Variants in TFRC observed in about 807,000 individuals in gnomAD.
TFRC encodes the protein transferrin receptor protein 1.
In TFRC, 35 loss-of-function variants were observed where a neutral mutation model predicts 85.8. The observed-to-expected ratio is 0.41, with a 90% CI of 0.31 to 0.54. The LOEUF (loss-of-function observed/expected upper bound fraction) is 0.54, where lower values mean the gene tolerates loss of function less well. Ranked by LOEUF, TFRC falls within the 20% of genes least tolerant of loss-of-function variation. The pLI is 0.31. For missense variants in TFRC, 828 were observed against 921.5 expected (o/e 0.90, Z 1.31); for synonymous variants, 362 against 328.6 (o/e 1.10, Z -1.10).
At chr3:196,064,988 T>C (rs1014181526) in intron 10 of TFRC, among the ~76,000 whole-genome samples, 2 of 152,220 alleles carry the variant, frequency 1.3e-5, no homozygotes, top group Admixed American at 6.5e-5. Context: ...CTGGGCGCGG[T>C]GGCTCATGCC....
Position 196,056,065 on chromosome 3 carries a change from C to T in TFRC, c.1678-764G>A, listed in dbSNP as rs373318534. Among the ~76,000 whole-genome samples, 33 of 152,044 alleles carry T rather than the reference C, an allele frequency of 2.2e-4. No individual in the cohort carries two copies. In the South Asian group the frequency reaches 3.5e-3, roughly 16 times the overall value. On this transcript the variant is annotated intron_variant, in intron 16 of 18. Coordinates refer to ENST00000360110, the MANE Select transcript of TFRC (RefSeq NM_001128148.3). ...GCTCCCTGCAGCCTTGAGACGAGGT[C>T]ACTCTGTCACCCAGGCTGGAGCGTG...
At chr3:196,064,210 G>A (rs1275322986) in intron 11 of TFRC, 99 bp downstream of exon 11, 2 of 1,285,162 alleles carry the variant, frequency 1.6e-6, no homozygotes, top group Admixed American at 5.5e-5. Context: ...TCTAGCATGA[G>A]AACCACAGGA....
At chr3:196,068,221 T>TA in intron 7 of TFRC, 91 bp from the exon 8 acceptor site, 1 of 782,728 alleles carries the variant, frequency 1.3e-6, no homozygotes. Context: ...GCCAAATGGT[T>TA]ACAGAGGACT....
At position 196,065,417 on chromosome 3, in the gene TFRC, CGGGGGGGGGG is replaced by C. The variant is rs55639089; in HGVS notation, c.1198+16_1198+25del. On this transcript the variant is annotated intron_variant, in intron 10 of 18. Transcript: ENST00000360110. ...AAAAGAAAACAAAAAAAAAGCGGGGCGGGGGGGGGGGGGGGCGGTCTTTACCTGGTTCTAC... is the reference window on the plus strand; with the variant it reads ...AAAAGAAAACAAAAAAAAAGCGGGGCGGGGGCGGTCTTTACCTGGTTCTAC... The C allele has an allele frequency of 3.8e-5, 14 of 372,054 alleles. 2 individuals carry two copies. The highest frequency in any genetic ancestry group is 1.1e-4 in the African/African-American group (1 of 8,720). 23.0% of individuals were successfully genotyped at this position (372,054 alleles called of 1,614,324 possible).
chr3:196,053,587 G>A (rs1176661083), intron 17 of TFRC, 29 bp from the exon 18 acceptor site: 2 of 1,611,346 alleles, frequency 1.2e-6, no homozygotes, highest in South Asian at 2.2e-5. Flanking sequence ...GCTATGAGAA[G>A]TTTTATTTCT....
intron 10 of TFRC, among the ~76,000 whole-genome samples, chr3:196,064,935 T>C (rs1468699951): frequency 6.6e-6 from 1 of 152,188 alleles, no homozygotes; most frequent in Non-Finnish European, 1.5e-5. Flanking sequence ...TTAACAAGAA[T>C]TTCCTAGGGC....
chr3:196,067,663 A>G lies in TFRC; in HGVS notation c.901-6T>C. 6.2e-7 allele frequency: 1 copy of G among 1,612,736 alleles called. No individual in the cohort carries two copies. The highest frequency in any genetic ancestry group is 8.5e-7 in the Non-Finnish European group (1 of 1,179,496). On this transcript the variant is annotated splice_polypyrimidine_tract_variant and splice_region_variant and intron_variant, in intron 8 of 18. Transcript: ENST00000360110. ...TCACCTGTCCCCAGATGAGCCTAGG[A>G]AAACAAAAGAGCAATTCACTCCATC...
At chr3:196,063,362 C>T (rs893180281) in intron 11 of TFRC, 2 of 152,952 alleles carry the variant, frequency 1.3e-5, no homozygotes, top group Admixed American at 1.3e-4. Context: ...AAAAATAATT[C>T]TAAAATAAAA....
chr3:196,080,559 A>G (rs773959965), intron 1 of TFRC, among the ~76,000 whole-genome samples: 4 of 152,244 alleles, frequency 2.6e-5, no homozygotes, highest in Non-Finnish European at 4.4e-5. Context: ...TTTAACTAGC[A>G]TTGTGATCGA....
At chr3:196,053,396 C>T in intron 18 of TFRC, 22 bp downstream of exon 18, 2 of 1,613,872 alleles carry the variant, frequency 1.2e-6, no homozygotes, top group African/African-American at 2.7e-5. Context: ...TTTAGTTCCT[C>T]CTTTCCCAAA....
chr3:196,069,112 T>C (rs940559394), intron 7 of TFRC, among the ~76,000 whole-genome samples: 10 of 152,106 alleles, frequency 6.6e-5, no homozygotes, highest in Admixed American at 2.6e-4. Flanking sequence ...CCTGCCACTT[T>C]TTTTAAAAAT....
chr3:196,065,386 G>A, intron 10 of TFRC, 57 bp downstream of exon 10: 1 of 1,052,590 alleles, frequency 9.5e-7, no homozygotes, highest in South Asian at 1.7e-5. Flanking sequence ...ACATCCTTAG[G>A]AACAGAAAAG....
At chr3:196,053,259 T>G (rs1011612849) in intron 18 of TFRC, among the ~76,000 whole-genome samples, 159 bp downstream of exon 18, 1 of 152,240 alleles carries the variant, frequency 6.6e-6, no homozygotes, top group African/African-American at 2.4e-5. Flanking sequence ...GACTAAGTTC[T>G]GAATTAGACA....
rs56119775 is a variant in TFRC, at chr3:196,075,046, C to CAAAAAAAAAAAA, written c.238+101_238+112dup. On this transcript the variant is annotated intron_variant, in intron 3 of 18. Transcript: ENST00000360110. ...AGGCAAGAGAGTAAGCCTCTGTCTC[C>CAAAAAAAAAAAA]AAAAAAAAAAAAAAAAAAAATAAGG... The CAAAAAAAAAAAA allele has an allele frequency of 7.5e-6, 4 of 535,700 alleles. No individual in the cohort carries two copies. In the African/African-American group the frequency reaches 9.4e-5, roughly 13 times the overall value. The allele number at this position is 535,700 out of a possible 1,614,324, so 33.2% of individuals were successfully genotyped here.
Position 196,051,820 on chromosome 3 carries a change from C to A in TFRC, c.*122G>T. ...GCTGCCTAAAGACATCTAGTAGTAC[C>A]AAGATGATGGGATGGAATTTTAACA... On this transcript the variant is annotated 3_prime_UTR_variant, in exon 19 of 19. Coordinates refer to ENST00000360110, the MANE Select transcript of TFRC (RefSeq NM_001128148.3). 1 of 1,228,472 alleles carries A rather than the reference C, an allele frequency of 8.1e-7. No homozygotes were observed. Among genetic ancestry groups the A allele is most frequent in the Non-Finnish European group, 1.1e-6 (1 of 878,078 alleles). 76.1% of individuals were successfully genotyped at this position (1,228,472 alleles called of 1,614,324 possible).
chr3:196,054,029 G>A (rs1716564543), intron 17 of TFRC, among the ~76,000 whole-genome samples: 1 of 152,150 alleles, frequency 6.6e-6, no homozygotes, highest in African/African-American at 2.4e-5. Context: ...CTGAGGTCAG[G>A]AGTTCAAGAC....
intron 6 of TFRC, among the ~76,000 whole-genome samples, chr3:196,071,135 G>A (rs1718165972): frequency 6.6e-6 from 1 of 152,114 alleles, no homozygotes; most frequent in Non-Finnish European, 1.5e-5. Context: ...TTCTTCATCT[G>A]GCTCACATTC....
At chr3:196,060,444 G>C in intron 13 of TFRC, 197 bp from the exon 14 acceptor site, 1 of 569,836 alleles carries the variant, frequency 1.8e-6, no homozygotes, top group South Asian at 2.0e-5. Context: ...CTTCACTCAA[G>C]TGGGCTCGTA....
chr3:196,077,146 T>A, intron 1 of TFRC, 24 bp from the exon 2 acceptor site: 1 of 1,566,158 alleles, frequency 6.4e-7, no homozygotes, highest in Non-Finnish European at 8.8e-7. Context: ...TAGAGAATTA[T>A]TGAGAAAGAT....
Sources: gnomAD v4.1 joint callset for allele counts (sites outside exome capture counted in the v4.1 genomes callset) on GRCh38, gnomAD v4.1.1 for gene constraint, MANE v1.5 for transcripts, NCBI Gene and HGNC (gene_info 2026-07-23, HGNC 2026-07-21) for gene names.